LIN52: variants seen among roughly 807,000 people sequenced by gnomAD.
The protein encoded by LIN52 is lin-52 DREAM MuvB core complex component, also known as protein lin-52 homolog.
LIN52 carries 4 observed loss-of-function variants against 18.5 expected under a neutral mutation model. The ratio of observed to expected loss-of-function variants is 0.22; its 90% CI spans 0.11 to 0.49. The LOEUF is 0.49. Ranked by LOEUF, LIN52 falls within the 20% of genes least tolerant of loss-of-function variation. The pLI is 0.97. For synonymous variants in LIN52, 34 were observed against 45.5 expected, an observed-to-expected ratio of 0.75 and a Z score of 1.02; for missense variants, 102 against 139.5, an observed-to-expected ratio of 0.73 and a Z score of 1.35.
intron 3 of LIN52, 72 bp downstream of exon 3, chr14:74,096,057 C>G (rs1566844836): frequency 9.7e-7 from 1 of 1,035,208 alleles, no homozygotes; most frequent in East Asian, 2.6e-5. Flanking sequence ...GATCTCTGTT[C>G]TTTATTTTAT....
intron 5 of LIN52, among the ~76,000 whole-genome samples, chr14:74,152,403 A>G (rs1445893013): frequency 3.3e-5 from 5 of 152,132 alleles, no homozygotes; most frequent in Non-Finnish European, 7.4e-5. Context: ...AACATTGATA[A>G]TCATTGCTTC....
intron 5 of LIN52, chr14:74,113,930 A>G (rs2060946711): frequency 6.5e-6 from 1 of 153,328 alleles, no homozygotes; most frequent in African/African-American, 2.4e-5. Context: ...GCATCCATTC[A>G]TGTACCATGT....
At chr14:74,143,799 C>G (rs1264158694) in intron 5 of LIN52, among the ~76,000 whole-genome samples, 2 of 152,068 alleles carry the variant, frequency 1.3e-5, no homozygotes, top group African/African-American at 4.8e-5. Flanking sequence ...ATTCAAAAGC[C>G]TCTCTTCCAG....
At chr14:74,119,146 C>T (rs1366825040) in intron 5 of LIN52, among the ~76,000 whole-genome samples, 2 of 146,850 alleles carry the variant, frequency 1.4e-5, no homozygotes, top group African/African-American at 5.0e-5. Context: ...TTTTTTGGTA[C>T]ATGGATTTTC....
chr14:74,129,960 C>G (rs1183290454), intron 5 of LIN52, among the ~76,000 whole-genome samples: 2 of 152,036 alleles, frequency 1.3e-5, no homozygotes, highest in East Asian at 1.9e-4. Context: ...TGGCAGAAGG[C>G]AAGGAGGAAA....
Position 74,199,817 on chromosome 14 carries a change from G to T in LIN52, c.*840G>T, listed in dbSNP as rs905816000. The T allele has an allele frequency of 6.6e-6, 1 of 152,204 alleles. No individual in the cohort carries two copies. The highest frequency in any genetic ancestry group is 2.1e-4 in the South Asian group (1 of 4,830). 9.4% of individuals were successfully genotyped at this position (152,204 alleles called of 1,614,324 possible). ...GGATGGTTTATAGGAGTTCCCATTT[G>T]GTTGAAAGCTAGAAGCCCTAATTGA... On this transcript the variant is annotated 3_prime_UTR_variant, in exon 6 of 6. Transcript: ENST00000555028.
chr14:74,100,540 A>T (rs2060846504), intron 4 of LIN52, among the ~76,000 whole-genome samples: 1 of 151,968 alleles, frequency 6.6e-6, no homozygotes, highest in African/African-American at 2.4e-5. Flanking sequence ...CAGTGGTACA[A>T]TCTCAGCTGT....
chr14:74,098,551 T>G (rs1424749919), intron 4 of LIN52, among the ~76,000 whole-genome samples: 2 of 84,738 alleles, frequency 2.4e-5, no homozygotes, highest in Non-Finnish European at 4.8e-5. Flanking sequence ...TTAACTCTGG[T>G]TTTTTTTTTT....
intron 5 of LIN52, among the ~76,000 whole-genome samples, chr14:74,183,037 A>G (rs1246307052): frequency 2.0e-5 from 3 of 151,882 alleles, no homozygotes; most frequent in African/African-American, 7.3e-5. Context: ...TTCCTCATCT[A>G]AAGAATTTAA....
intron 5 of LIN52, among the ~76,000 whole-genome samples, chr14:74,191,255 C>G (rs541544810): frequency 2.6e-5 from 4 of 152,362 alleles, no homozygotes; most frequent in African/African-American, 9.6e-5. Flanking sequence ...AGCTCCATCT[C>G]AAAGGCAGCA....
intron 5 of LIN52, among the ~76,000 whole-genome samples, chr14:74,128,909 T>G (rs2061044440): frequency 6.6e-6 from 1 of 152,098 alleles, no homozygotes; most frequent in African/African-American, 2.4e-5. Flanking sequence ...ACCACTGCAC[T>G]CCAGCCTGGG....
At chr14:74,114,021 C>A in intron 5 of LIN52, 1 of 322,038 alleles carries the variant, frequency 3.1e-6, no homozygotes, top group Non-Finnish European at 4.4e-6. Flanking sequence ...CCCTCTGTCA[C>A]CCAGGCTGGA....
intron 5 of LIN52, among the ~76,000 whole-genome samples, chr14:74,162,861 T>C (rs2061232005): frequency 6.6e-6 from 1 of 152,218 alleles, no homozygotes; most frequent in Admixed American, 6.5e-5. Context: ...TCAATTGTTA[T>C]TTATGCTTGT....
intron 5 of LIN52, among the ~76,000 whole-genome samples, chr14:74,152,763 C>T (rs1253619261): frequency 7.9e-5 from 12 of 151,832 alleles, no homozygotes; most frequent in Non-Finnish European, 1.0e-4. Context: ...AGTTCGAGAC[C>T]AGCCTGGCCA....
At chr14:74,098,488 C>G (rs1283512134) in intron 4 of LIN52, among the ~76,000 whole-genome samples, 3 of 151,114 alleles carry the variant, frequency 2.0e-5, no homozygotes, top group Non-Finnish European at 2.9e-5. Context: ...TGCACTCCAG[C>G]CTGGCTGACA....
chr14:74,100,195 G>A (rs1332942834), intron 4 of LIN52, among the ~76,000 whole-genome samples: 1 of 152,158 alleles, frequency 6.6e-6, no homozygotes, highest in Non-Finnish European at 1.5e-5. Context: ...CTGTCTTCAA[G>A]GCTTTCTTAA....
chr14:74,089,748 G>C (rs562740893), intron 1 of LIN52, among the ~76,000 whole-genome samples: 1 of 152,278 alleles, frequency 6.6e-6, no homozygotes, highest in Admixed American at 6.5e-5. Context: ...CTTTAGAAAG[G>C]TTGGGAATGG....
chr14:74,154,836 G>A (rs1381943771), intron 5 of LIN52, among the ~76,000 whole-genome samples: 3 of 152,116 alleles, frequency 2.0e-5, no homozygotes, highest in Non-Finnish European at 4.4e-5. Context: ...TTTGGTTTGT[G>A]TTCCGGCCTG....
chr14:74,188,238 G>T (rs2061348684), intron 5 of LIN52, among the ~76,000 whole-genome samples: 1 of 151,934 alleles, frequency 6.6e-6, no homozygotes, highest in South Asian at 2.1e-4. Flanking sequence ...TTATTCCCTG[G>T]CTTAAAGAAA....
Sources: allele counts gnomAD v4.1 joint callset (sites outside exome capture counted in the v4.1 genomes callset), GRCh38; gene constraint gnomAD v4.1.1; transcripts MANE v1.5; gene names NCBI Gene and HGNC (gene_info 2026-07-23, HGNC 2026-07-21).